The following TMEM178B variants were observed in gnomAD, a reference collection of about 807,000 sequenced individuals.
TMEM178B encodes the protein transmembrane protein 178B.
A neutral mutation model predicts 31.0 loss-of-function variants in TMEM178B; 5 were observed. The ratio of observed to expected loss-of-function variants is 0.16; its 90% CI spans 0.08 to 0.34. The LOEUF (loss-of-function observed/expected upper bound fraction) is 0.34. Among genes scored for constraint, TMEM178B ranks in the 10% least tolerant of loss-of-function variants. The pLI, the probability that TMEM178B is intolerant of heterozygous loss-of-function variation, is 1.00. For missense variants in TMEM178B, 275 were observed against 400.3 expected, an observed-to-expected ratio of 0.69 and a Z score of 2.67; for synonymous variants, 164 against 164.0, an observed-to-expected ratio of 1.00 and a Z score of 0.00.
intron 2 of TMEM178B, among the ~76,000 whole-genome samples, chr7:141,379,052 G>A (rs115290318): frequency 0.028 from 4,259 of 152,170 alleles, 181 homozygotes; most frequent in African/African-American, 0.097. Context: ...GAGCCACTCC[G>A]GATTTGGAGA....
intron 3 of TMEM178B, among the ~76,000 whole-genome samples, chr7:141,444,768 G>A (rs1175660241): frequency 6.6e-6 from 1 of 152,024 alleles, no homozygotes; most frequent in East Asian, 1.9e-4. Context: ...CTGCTTTCTT[G>A]CATCCCCAGC....
At position 141,356,384 on chromosome 7, in the gene TMEM178B, T is replaced by TC. The variant is rs1799819020; in HGVS notation, c.497-81224_497-81223insC. Among the ~76,000 whole-genome samples the TC allele has an allele frequency of 2.0e-5, 3 of 151,940 alleles. No individual in the cohort carries two copies. The South Asian group carries it at 6.2e-4, about 32-fold the overall frequency. On this transcript the variant is annotated intron_variant, in intron 2 of 3. Transcript: ENST00000565468. Reference sequence around the variant, plus strand: ...TCTGACACCTCACTGACATCTGTTTTTTTTTTGGTCTTTTTAATAGTAGCC... The same window carrying TC: ...TCTGACACCTCACTGACATCTGTTTTCTTTTTTGGTCTTTTTAATAGTAGCC...
chr7:141,410,161 T>C (rs540814825), intron 2 of TMEM178B, among the ~76,000 whole-genome samples: 1 of 152,354 alleles, frequency 6.6e-6, no homozygotes, highest in Non-Finnish European at 1.5e-5. Flanking sequence ...CATGTGTTTC[T>C]ATTCCGAGCA....
chr7:141,129,815 T>A (rs368871700), intron 1 of TMEM178B, among the ~76,000 whole-genome samples: 14 of 152,226 alleles, frequency 9.2e-5, no homozygotes, highest in African/African-American at 3.4e-4. Context: ...ATACATTGGT[T>A]TGGCCCAGAA....
At chr7:141,122,474 A>G (rs929242846) in intron 1 of TMEM178B, among the ~76,000 whole-genome samples, 3 of 152,194 alleles carry the variant, frequency 2.0e-5, no homozygotes, top group African/African-American at 4.8e-5. Context: ...CGTCTTAAGG[A>G]CACAAGATTG....
chr7:141,105,920 C>T (rs2129174439), intron 1 of TMEM178B, among the ~76,000 whole-genome samples: 1 of 152,024 alleles, frequency 6.6e-6, no homozygotes, highest in African/African-American at 2.4e-5. Context: ...CATAGTGAAA[C>T]CCTGTGTCTA....
chr7:141,134,487 T>C (rs1795643355), intron 1 of TMEM178B, among the ~76,000 whole-genome samples: 1 of 151,980 alleles, frequency 6.6e-6, no homozygotes, highest in Admixed American at 6.6e-5. Context: ...ATATCTACCA[T>C]CATGAAAACA....
chr7:141,294,946 A>G (rs983927001), intron 2 of TMEM178B, among the ~76,000 whole-genome samples: 4 of 152,124 alleles, frequency 2.6e-5, no homozygotes, highest in African/African-American at 9.7e-5. Context: ...GCCCTTTTCA[A>G]TCTGATATGA....
chr7:141,324,426 T>TG (rs1799153145), intron 2 of TMEM178B, among the ~76,000 whole-genome samples: 1 of 50,828 alleles, frequency 2.0e-5, no homozygotes, highest in Non-Finnish European at 4.1e-5. Flanking sequence ...GTTTTTTTTT[T>TG]TTTTTTTTTT....
chr7:141,309,073 T>A (rs913234447), intron 2 of TMEM178B, among the ~76,000 whole-genome samples: 2 of 152,142 alleles, frequency 1.3e-5, no homozygotes, highest in African/African-American at 4.8e-5. Context: ...AGTAAAACAC[T>A]TCAACAAACA....
At chr7:141,192,418 C>T (rs1796711375) in intron 1 of TMEM178B, among the ~76,000 whole-genome samples, 1 of 151,658 alleles carries the variant, frequency 6.6e-6, no homozygotes, top group South Asian at 2.1e-4. Context: ...GCAGATGTTC[C>T]AGGAGCTAAC....
intron 1 of TMEM178B, among the ~76,000 whole-genome samples, chr7:141,204,516 A>C (rs904159562): frequency 2.6e-5 from 4 of 152,152 alleles, no homozygotes; most frequent in African/African-American, 9.7e-5. Context: ...AGGTGAACGG[A>C]GGGGATGTGG....
At chr7:141,459,765 T>A (rs1234782344) in intron 3 of TMEM178B, among the ~76,000 whole-genome samples, 2 of 152,158 alleles carry the variant, frequency 1.3e-5, no homozygotes, top group Non-Finnish European at 2.9e-5. Context: ...CAATGTCCCC[T>A]TCCATTTGCT....
At chr7:141,186,262 C>T (rs1258921041) in intron 1 of TMEM178B, among the ~76,000 whole-genome samples, 3 of 152,094 alleles carry the variant, frequency 2.0e-5, no homozygotes, top group African/African-American at 7.2e-5. Flanking sequence ...TAGCCCTGGT[C>T]CAGAGAGGGA....
intron 2 of TMEM178B, among the ~76,000 whole-genome samples, chr7:141,435,399 A>G (rs1348736309): frequency 6.6e-6 from 1 of 152,192 alleles, no homozygotes; most frequent in African/African-American, 2.4e-5. Flanking sequence ...GGGGAGTAGA[A>G]GCATTGGTAG....
At chr7:141,215,331 A>ATTTTTTTTTT (rs1317238195) in intron 2 of TMEM178B, among the ~76,000 whole-genome samples, 2 of 69,104 alleles carry the variant, frequency 2.9e-5, no homozygotes, top group African/African-American at 7.3e-5. Flanking sequence ...TATTATTATT[A>ATTTTTTTTTT]TTATTATTTT....
At chr7:141,087,893 G>GA (rs949122482) in intron 1 of TMEM178B, among the ~76,000 whole-genome samples, 5 of 152,118 alleles carry the variant, frequency 3.3e-5, no homozygotes, top group African/African-American at 1.2e-4. Flanking sequence ...ATACTGCTTT[G>GA]AAAAAACCAA....
chr7:141,216,052 A>C (rs1206610845), intron 2 of TMEM178B, among the ~76,000 whole-genome samples: 1 of 151,444 alleles, frequency 6.6e-6, no homozygotes, highest in Non-Finnish European at 1.5e-5. Flanking sequence ...GCTGGTCTTG[A>C]ACTCCTGGCC....
intron 2 of TMEM178B, among the ~76,000 whole-genome samples, chr7:141,428,368 C>CA (rs1491261666): frequency 0.045 from 1,123 of 24,896 alleles, 27 homozygotes; most frequent in African/African-American, 0.088. Flanking sequence ...GACTCCACCT[C>CA]AAAAAAAAAA....
Sources: gnomAD v4.1 joint callset for allele counts (sites outside exome capture counted in the v4.1 genomes callset) on GRCh38, gnomAD v4.1.1 for gene constraint, MANE v1.5 for transcripts, NCBI Gene and HGNC (gene_info 2026-07-23, HGNC 2026-07-21) for gene names.